Variants in CARM1 observed in about 807,000 individuals in gnomAD.
CARM1 encodes histone-arginine methyltransferase CARM1.
CARM1 carries 14 observed loss-of-function variants against 72.7 expected under a neutral mutation model. The ratio of observed to expected loss-of-function variants is 0.19; its 90% confidence interval spans 0.13 to 0.30. The LOEUF (loss-of-function observed/expected upper bound fraction) is 0.30, where lower values mean the gene tolerates loss of function less well. Among genes scored for constraint, CARM1 ranks in the 10% least tolerant of loss-of-function variants. The pLI, the probability that CARM1 is intolerant of heterozygous loss-of-function variation, is 1.00. For synonymous variants in CARM1, 333 were observed against 345.5 expected, an observed-to-expected ratio of 0.96 and a Z score of 0.40; for missense variants, 432 against 833.7, an observed-to-expected ratio of 0.52 and a Z score of 5.93.
rs1327839965 is a variant in CARM1 at position 10,920,223 on chromosome 19, AG to A, written c.1197-210del. On this transcript the variant is annotated intron_variant, in intron 10 of 15. Coordinates refer to ENST00000327064, the MANE Select transcript of CARM1 (RefSeq NM_199141.2). This position sits in a 1 kb window ranked among gnomAD's most constrained non-coding sequence, Gnocchi z 5.3. ...TCTCTTGGCACATGTCAGGGTGAGTAGGGATCTCGTGGTTGCGGGCCCCTCG... is the reference window on the plus strand; with the variant it reads ...TCTCTTGGCACATGTCAGGGTGAGTAGGATCTCGTGGTTGCGGGCCCCTCG... 6.6e-6 allele frequency among the ~76,000 whole-genome samples: 1 copy of A among 151,728 alleles called. No homozygotes were observed. Among genetic ancestry groups the A allele is most frequent in the East Asian group, 1.9e-4 (1 of 5,156 alleles).
intron 14 of CARM1, 46 bp from the exon 15 acceptor site, chr19:10,921,329 C>T (rs373153951): frequency 2.4e-5 from 38 of 1,600,132 alleles, no homozygotes; most frequent in South Asian, 7.7e-5. Flanking sequence ...TGGCTGGGGG[C>T]GGTGACGCCG....
chr19:10,881,986 G>T (rs1409089595), intron 1 of CARM1, among the ~76,000 whole-genome samples: 1 of 152,104 alleles, frequency 6.6e-6, no homozygotes, highest in Non-Finnish European at 1.5e-5. Flanking sequence ...GATGCTGGGG[G>T]AGGGGCTCTG....
At chr19:10,917,090 AAAAG>A (rs778125227) in intron 8 of CARM1, among the ~76,000 whole-genome samples, 58 of 152,218 alleles carry the variant, frequency 3.8e-4, no homozygotes, top group Non-Finnish European at 5.9e-4. Context: ...ATAAAAATAA[AAAAG>A]AACCATTACT....
intron 1 of CARM1, among the ~76,000 whole-genome samples, chr19:10,880,965 C>T (rs1275364148): frequency 2.0e-5 from 3 of 152,158 alleles, no homozygotes; most frequent in Non-Finnish European, 2.9e-5. Flanking sequence ...GAATTTACAA[C>T]CAGCCCGGGA....
At chr19:10,877,470 T>G (rs1379002566) in intron 1 of CARM1, among the ~76,000 whole-genome samples, 1 of 152,202 alleles carries the variant, frequency 6.6e-6, no homozygotes, top group Non-Finnish European at 1.5e-5. Flanking sequence ...TTGCCCAGGC[T>G]GGAGTGCAAT....
At chr19:10,909,023 G>A (rs1344118785) in intron 3 of CARM1, 80 bp from the exon 4 acceptor site, 1 of 1,072,988 alleles carries the variant, frequency 9.3e-7, no homozygotes, top group Non-Finnish European at 1.4e-6. Flanking sequence ...ATGGCCCCTT[G>A]CTCTATCACA....
chr19:10,873,990 C>A (rs928956735), intron 1 of CARM1, among the ~76,000 whole-genome samples: 2 of 152,116 alleles, frequency 1.3e-5, no homozygotes, highest in Admixed American at 1.3e-4. Flanking sequence ...GATGTTCCTA[C>A]CATCTTATTC....
intron 1 of CARM1, among the ~76,000 whole-genome samples, chr19:10,901,135 A>C (rs955716199): frequency 9.2e-5 from 14 of 151,588 alleles, no homozygotes; most frequent in African/African-American, 3.4e-4. Context: ...GGCACCCACC[A>C]TCATGTCTGG....
Position 10,878,209 on chromosome 19 carries a change from A to T in CARM1, c.220+6287A>T, listed in dbSNP as rs148145172. 3.0e-3 allele frequency among the ~76,000 whole-genome samples: 459 copies of T among 152,282 alleles called. 1 individual carries two copies. The highest frequency in any genetic ancestry group is 0.011 in the African/African-American group (446 of 41,556). ...ACAGTTTTTGAGAGATTGATTAGGGAAAAAAACTAAAACCCAATCCACAAA... is the reference window on the plus strand; with the variant it reads ...ACAGTTTTTGAGAGATTGATTAGGGTAAAAAACTAAAACCCAATCCACAAA... On this transcript the variant is annotated intron_variant, in intron 1 of 15. Coordinates refer to ENST00000327064, the MANE Select transcript of CARM1 (RefSeq NM_199141.2).
rs992814889 is a variant in CARM1 at position 10,921,315 on chromosome 19, TGGG to T, written c.1616-59_1616-57del. 4.0e-5 allele frequency: 64 copies of T among 1,583,276 alleles called. No homozygotes were observed. In the African/African-American group the frequency reaches 8.2e-4, roughly 20 times the overall value. ...CTGCAGCCTGCTGCTGTGCATGGGC[TGGG>T]TGGCTGGGGGCGGTGACGCCGTCTC... On this transcript the variant is annotated intron_variant, in intron 14 of 15. Transcript: ENST00000327064.
At chr19:10,887,323 C>T (rs547826637) in intron 1 of CARM1, among the ~76,000 whole-genome samples, 24 of 152,256 alleles carry the variant, frequency 1.6e-4, no homozygotes, top group Non-Finnish European at 2.8e-4. Context: ...GGTCCCGTCT[C>T]CCCTGGTTCC....
chr19:10,884,893 C>T (rs766561799), intron 1 of CARM1, among the ~76,000 whole-genome samples: 12 of 152,052 alleles, frequency 7.9e-5, no homozygotes, highest in African/African-American at 1.2e-4. Flanking sequence ...TTAGTAGAGA[C>T]GGGGTTTCAC....
At chr19:10,873,624 G>GTT (rs1169565864) in intron 1 of CARM1, among the ~76,000 whole-genome samples, 1,789 of 47,424 alleles carry the variant, frequency 0.038, 245 homozygotes, top group Middle Eastern at 0.059. Flanking sequence ...TTTTAGTTTA[G>GTT]TTTTTTTTTT....
intron 1 of CARM1, among the ~76,000 whole-genome samples, chr19:10,877,123 C>G (rs777389742): frequency 6.6e-6 from 1 of 151,970 alleles, no homozygotes; most frequent in South Asian, 2.1e-4. Flanking sequence ...CTCCTGGGAT[C>G]CCCCTGACAG....
chr19:10,920,761 C>T lies in CARM1; in HGVS notation c.1424+13C>T. The T allele has an allele frequency of 6.2e-7, 1 of 1,613,976 alleles. No homozygotes were observed. ...ACCCCTTCTTTAGGTAGGAGGGGCC[C>T]CTTGCCTGCACAGGGGGGCGCCCCG... is the stretch of plus-strand genomic sequence containing the variant. On this transcript the variant is annotated intron_variant, in intron 12 of 15. Transcript: ENST00000327064. This position sits in a 1 kb window ranked among gnomAD's most constrained non-coding sequence, Gnocchi z 5.3.
At position 10,871,692 on chromosome 19, in the gene CARM1, C is replaced by T; in HGVS notation, c.-11C>T. On this transcript the variant is annotated 5_prime_UTR_variant, in exon 1 of 16. Coordinates refer to ENST00000327064, the MANE Select transcript of CARM1 (RefSeq NM_199141.2). The surrounding 1 kb of genome is among the most constrained non-coding windows in gnomAD (Gnocchi z 5.6). The stretch of plus-strand genomic sequence containing the variant: ...GCGGCGGCGGCGGCGGGGCCTGGAG[C>T]CGGATCTAAGATGGCAGCGGCGGCG... 2.6e-6 allele frequency: 2 copies of T among 784,044 alleles called. No homozygotes were observed. The highest frequency in any genetic ancestry group is 3.1e-6 in the Non-Finnish European group (2 of 648,630). 48.6% of individuals were successfully genotyped at this position (784,044 alleles called of 1,614,324 possible). A position where few individuals can be genotyped will look rare whatever the true frequency, so the allele number is the denominator to read the frequency against.
At chr19:10,894,896 A>G (rs376240630) in intron 1 of CARM1, among the ~76,000 whole-genome samples, 2 of 151,864 alleles carry the variant, frequency 1.3e-5, no homozygotes, top group East Asian at 1.9e-4. Context: ...GCGCATCACC[A>G]TGCCCAGCTA....
chr19:10,884,861 C>T (rs1489623031), intron 1 of CARM1, among the ~76,000 whole-genome samples: 1 of 152,168 alleles, frequency 6.6e-6, no homozygotes, highest in Non-Finnish European at 1.5e-5. Flanking sequence ...CGTGCCACCA[C>T]GCCTGCCTAA....
intron 1 of CARM1, among the ~76,000 whole-genome samples, chr19:10,884,118 G>A (rs1470780418): frequency 4.6e-5 from 7 of 150,694 alleles, no homozygotes; most frequent in Non-Finnish European, 8.9e-5. Flanking sequence ...CGAGGTGGGC[G>A]GATCACTTGA....
Sources: gnomAD v4.1 joint callset for allele counts (sites outside exome capture counted in the v4.1 genomes callset) on GRCh38, gnomAD v4.1.1 for gene constraint, Gnocchi (gnomAD v3.1) non-coding constraint, MANE v1.5 for transcripts, NCBI Gene and HGNC (gene_info 2026-07-23, HGNC 2026-07-21) for gene names.